Variants in RNGTT observed in about 807,000 individuals in gnomAD.
The protein encoded by RNGTT is mRNA-capping enzyme.
RNGTT carries 33 observed loss-of-function variants against 79.3 expected under a neutral mutation model. The ratio of observed to expected loss-of-function variants is 0.42; its 90% CI spans 0.32 to 0.56. The LOEUF (loss-of-function observed/expected upper bound fraction) is 0.56. Among genes scored for constraint, RNGTT ranks in the 20% least tolerant of loss-of-function variants. The pLI is 0.17. For missense variants in RNGTT, 497 were observed against 739.1 expected (o/e 0.67, Z 3.80); for synonymous variants, 222 against 235.9 (o/e 0.94, Z 0.54).
intron 4 of RNGTT, among the ~76,000 whole-genome samples, chr6:88,918,712 G>A (rs1784074262): frequency 6.6e-6 from 1 of 152,022 alleles, no homozygotes; most frequent in African/African-American, 2.4e-5. Flanking sequence ...GTAAGAAAAA[G>A]TGCTTCAAAA....
At chr6:88,660,180 AAAATAGAACCTCCTT>A (rs1436136359) in intron 14 of RNGTT, among the ~76,000 whole-genome samples, 1 of 152,220 alleles carries the variant, frequency 6.6e-6, no homozygotes, top group South Asian at 2.1e-4. Flanking sequence ...GAAATGCACC[AAAATAGAACCTCCTT>A]AAAGCATAAA....
intron 8 of RNGTT, among the ~76,000 whole-genome samples, chr6:88,863,688 T>G (rs1782082771): frequency 6.6e-6 from 1 of 152,156 alleles, no homozygotes; most frequent in African/African-American, 2.4e-5. Flanking sequence ...CCAGTGTCAG[T>G]TTCTAGATTC....
chr6:88,638,020 C>A (rs1242432050), intron 14 of RNGTT, among the ~76,000 whole-genome samples: 1 of 152,038 alleles, frequency 6.6e-6, no homozygotes, highest in Non-Finnish European at 1.5e-5. Flanking sequence ...GACTGCTTTT[C>A]AATTGGATGA....
intron 14 of RNGTT, among the ~76,000 whole-genome samples, chr6:88,663,379 T>C (rs1344180750): frequency 2.0e-5 from 3 of 152,212 alleles, no homozygotes; most frequent in Non-Finnish European, 4.4e-5. Context: ...TTCAAAGGTA[T>C]GGCACAAAGT....
chr6:88,714,677 C>T (rs1158452209), intron 13 of RNGTT, among the ~76,000 whole-genome samples: 2 of 90,020 alleles, frequency 2.2e-5, no homozygotes, highest in South Asian at 3.2e-4. Context: ...CTCCTGACCT[C>T]GTGATCCGCC....
intron 11 of RNGTT, among the ~76,000 whole-genome samples, chr6:88,834,518 A>G (rs1780996021): frequency 2.6e-5 from 4 of 152,212 alleles, no homozygotes; most frequent in Admixed American, 2.6e-4. Context: ...CAGTTGCACC[A>G]TTATATCTGT....
intron 11 of RNGTT, among the ~76,000 whole-genome samples, chr6:88,802,443 AT>A (rs1779821756): frequency 6.6e-6 from 1 of 152,186 alleles, no homozygotes; most frequent in African/African-American, 2.4e-5. Flanking sequence ...TCTTTCACAG[AT>A]TTTTATTATT....
chr6:88,822,620 T>C (rs1780530867), intron 11 of RNGTT, among the ~76,000 whole-genome samples: 1 of 152,184 alleles, frequency 6.6e-6, no homozygotes, highest in African/African-American at 2.4e-5. Flanking sequence ...AAAATCATTC[T>C]CCATCTACTG....
chr6:88,927,791 T>TGTG (rs1784370129), intron 4 of RNGTT, among the ~76,000 whole-genome samples: 5 of 139,086 alleles, frequency 3.6e-5, no homozygotes, highest in Admixed American at 2.9e-4. Flanking sequence ...CCGAGATCAC[T>TGTG]CCACTGCACT....
intron 8 of RNGTT, among the ~76,000 whole-genome samples, chr6:88,864,865 C>T (rs755369580): frequency 1.1e-4 from 16 of 152,052 alleles, no homozygotes; most frequent in Non-Finnish European, 2.1e-4. Context: ...GTATCATTCC[C>T]TATGAAGTAC....
At chr6:88,882,901 T>A (rs1369806123) in intron 8 of RNGTT, among the ~76,000 whole-genome samples, 1 of 152,182 alleles carries the variant, frequency 6.6e-6, no homozygotes, top group Non-Finnish European at 1.5e-5. Context: ...CCTCCAGAAC[T>A]ATGAAAAATA....
In RNGTT at chr6:88,770,921, T is replaced by C. The variant is rs549085120; in HGVS notation, c.1339-1047A>G. ...TATACCTTCTTTGGTGAAGTGTCTG[T>C]TCAAATCTTTTACTCTTGTTTGCAC... On this transcript the variant is annotated intron_variant, in intron 12 of 15. Coordinates refer to ENST00000369485, the MANE Select transcript of RNGTT (RefSeq NM_003800.5). Among the ~76,000 whole-genome samples, 174 of 152,286 alleles carry C rather than the reference T, an allele frequency of 1.1e-3. 4 individuals are homozygous for C. The highest frequency in any genetic ancestry group is 4.0e-3 in the African/African-American group (167 of 41,580).
chr6:88,789,884 C>A (rs751984039), intron 12 of RNGTT, among the ~76,000 whole-genome samples: 15 of 152,150 alleles, frequency 9.9e-5, no homozygotes, highest in Admixed American at 4.6e-4. Flanking sequence ...CTCAACTATC[C>A]CTTTCTTGAT....
At chr6:88,739,775 ATATGTT>A (rs1475836754) in intron 13 of RNGTT, among the ~76,000 whole-genome samples, 1 of 125,276 alleles carries the variant, frequency 8.0e-6, no homozygotes, top group African/African-American at 3.3e-5. Context: ...ATATATATAT[ATATGTT>A]AACACATGCT....
chr6:88,824,058 T>TA (rs1454179846), intron 11 of RNGTT, among the ~76,000 whole-genome samples: 1 of 152,128 alleles, frequency 6.6e-6, no homozygotes, highest in East Asian at 1.9e-4. Context: ...GCTTTAAATG[T>TA]AAAAAGAATC....
chr6:88,762,740 T>C (rs1778312287), intron 13 of RNGTT, among the ~76,000 whole-genome samples: 1 of 152,178 alleles, frequency 6.6e-6, no homozygotes, highest in Non-Finnish European at 1.5e-5. Context: ...TTACATGTAT[T>C]ATGTCATTAA....
At chr6:88,637,198 T>C (rs1023569719) in intron 14 of RNGTT, among the ~76,000 whole-genome samples, 1 of 152,020 alleles carries the variant, frequency 6.6e-6, no homozygotes, top group Admixed American at 6.6e-5. Flanking sequence ...TGATGATATA[T>C]CACATAAACA....
At chr6:88,644,295 A>T (rs1002794660) in intron 14 of RNGTT, among the ~76,000 whole-genome samples, 9 of 152,166 alleles carry the variant, frequency 5.9e-5, no homozygotes, top group African/African-American at 2.2e-4. Flanking sequence ...TCCCAAGACT[A>T]AACCAGGAAG....
chr6:88,756,694 A>T (rs899687601), intron 13 of RNGTT, among the ~76,000 whole-genome samples: 2 of 152,168 alleles, frequency 1.3e-5, no homozygotes, highest in South Asian at 2.1e-4. Flanking sequence ...GACTATATTG[A>T]CTACATACAA....
Sources: allele counts gnomAD v4.1 joint callset (sites outside exome capture counted in the v4.1 genomes callset), GRCh38; gene constraint gnomAD v4.1.1; transcripts MANE v1.5; gene names NCBI Gene and HGNC (gene_info 2026-07-23, HGNC 2026-07-21).